AKT3: variants seen among roughly 807,000 people sequenced by gnomAD.
AKT3 encodes AKT serine/threonine kinase 3, also known as RAC-gamma serine/threonine-protein kinase.
A neutral mutation model predicts 65.3 loss-of-function variants in AKT3; 15 were observed. The observed-to-expected ratio is 0.23, with a 90% confidence interval of 0.15 to 0.35. AKT3 has a LOEUF of 0.35. AKT3 is among the 10% of genes least tolerant of loss of function. The pLI is 1.00. For missense variants in AKT3, 243 were observed against 576.5 expected (o/e 0.42, Z 5.92); for synonymous variants, 206 against 183.8 (o/e 1.12, Z -0.98).
intron 2 of AKT3, among the ~76,000 whole-genome samples, chr1:243,763,044 C>T (rs558863180): frequency 9.2e-5 from 14 of 152,044 alleles, no homozygotes; most frequent in Admixed American, 4.6e-4. Flanking sequence ...CAAAATTGTA[C>T]GGCTTATTAC....
chr1:243,702,950 A>T (rs775622318), intron 2 of AKT3: 1 of 152,232 alleles, frequency 6.6e-6, no homozygotes, highest in Non-Finnish European at 1.5e-5. Context: ...TTTAAACCAG[A>T]AAAAGGCAGT....
At chr1:243,662,747 CA>C (rs1682466019) in intron 4 of AKT3, among the ~76,000 whole-genome samples, 1 of 151,584 alleles carries the variant, frequency 6.6e-6, no homozygotes. Context: ...AAAAAAAAAT[CA>C]AGTCATATAG....
chr1:243,505,475 G>A (rs1249867537), intron 13 of AKT3, 141 bp from the exon 14 acceptor site: 7 of 642,284 alleles, frequency 1.1e-5, no homozygotes, highest in South Asian at 1.0e-4. Context: ...TCAATAAGCT[G>A]TAGAGTAATT....
chr1:243,638,456 C>T (rs1327102931), intron 5 of AKT3, among the ~76,000 whole-genome samples: 1 of 152,148 alleles, frequency 6.6e-6, no homozygotes, highest in Non-Finnish European at 1.5e-5. Context: ...CCTCTATGTA[C>T]TCTTTTCCTG....
At chr1:243,697,477 A>G (rs1267287929) in intron 2 of AKT3, among the ~76,000 whole-genome samples, 1 of 152,100 alleles carries the variant, frequency 6.6e-6, no homozygotes, top group African/African-American at 2.4e-5. Flanking sequence ...GTTAGTTTCT[A>G]AAAGGTTAGT....
chr1:243,552,617 T>A (rs1053866172), intron 11 of AKT3, 112 bp downstream of exon 11: 7 of 957,308 alleles, frequency 7.3e-6, no homozygotes, highest in South Asian at 4.7e-5. Context: ...AGTGGGAAGA[T>A]GTCTACACCA....
At chr1:243,809,645 A>C (rs1463151245) in intron 2 of AKT3, among the ~76,000 whole-genome samples, 1 of 152,194 alleles carries the variant, frequency 6.6e-6, no homozygotes. Flanking sequence ...GTTAACAAGG[A>C]TATCCAGGAA....
intron 2 of AKT3, among the ~76,000 whole-genome samples, chr1:243,750,035 T>C (rs1171815674): frequency 6.6e-6 from 1 of 152,200 alleles, no homozygotes; most frequent in Non-Finnish European, 1.5e-5. Flanking sequence ...CTCCTTCTCA[T>C]ATAGGCTAAA....
chr1:243,792,560 A>G (rs1339133125), intron 2 of AKT3, among the ~76,000 whole-genome samples: 2 of 152,180 alleles, frequency 1.3e-5, no homozygotes, highest in Non-Finnish European at 2.9e-5. Flanking sequence ...TTAGCCTTAC[A>G]ATCACTAAAC....
chr1:243,666,229 C>T (rs1208578389), intron 3 of AKT3, among the ~76,000 whole-genome samples: 1 of 152,112 alleles, frequency 6.6e-6, no homozygotes, highest in Non-Finnish European at 1.5e-5. Flanking sequence ...ATCTCGAACT[C>T]CTGACCTCAA....
rs77540150 is a variant in AKT3 at position 243,757,963 on chromosome 1, A to T, written c.47-62247T>A. On this transcript the variant is annotated intron_variant, in intron 2 of 13. Coordinates refer to ENST00000673466, the MANE Select transcript of AKT3 (RefSeq NM_005465.7). ...TTTTCAGTAGAGACGGAGTTTCGCC[A>T]TGTTGGCCAGACTGTTTTCTAACTC... Among the ~76,000 whole-genome samples the T allele has an allele frequency of 8.9e-4, 136 of 152,204 alleles. 2 individuals carry two copies. In the East Asian group the frequency reaches 0.014, roughly 15 times the overall value.
intron 10 of AKT3, among the ~76,000 whole-genome samples, chr1:243,556,930 A>G (rs1673448071): frequency 1.3e-5 from 2 of 152,278 alleles, no homozygotes; most frequent in East Asian, 1.9e-4. Context: ...TCATAAATAT[A>G]TATTTTATAA....
intron 2 of AKT3, among the ~76,000 whole-genome samples, chr1:243,729,465 C>T (rs1168413403): frequency 6.6e-6 from 1 of 152,050 alleles, no homozygotes; most frequent in African/African-American, 2.4e-5. Flanking sequence ...TAAATGGGTA[C>T]AGCCTTTCCA....
intron 2 of AKT3, among the ~76,000 whole-genome samples, chr1:243,782,274 G>A (rs1198896309): frequency 1.3e-5 from 2 of 152,030 alleles, no homozygotes; most frequent in Non-Finnish European, 2.9e-5. Flanking sequence ...TCTTAAGTCT[G>A]CTTGGGCAAC....
chr1:243,589,526 G>C (rs1462948430), intron 8 of AKT3, among the ~76,000 whole-genome samples: 1 of 152,064 alleles, frequency 6.6e-6, no homozygotes, highest in Non-Finnish European at 1.5e-5. Flanking sequence ...TAAAAAAGAT[G>C]AGATAGCAAG....
chr1:243,621,828 C>T (rs1678773383), intron 6 of AKT3, among the ~76,000 whole-genome samples: 2 of 152,102 alleles, frequency 1.3e-5, no homozygotes, highest in African/African-American at 4.8e-5. Flanking sequence ...CCCACTCATA[C>T]TCTACATTCA....
At chr1:243,745,196 G>A (rs530155906) in intron 2 of AKT3, among the ~76,000 whole-genome samples, 9 of 151,976 alleles carry the variant, frequency 5.9e-5, no homozygotes, top group South Asian at 2.1e-4. Flanking sequence ...AAATTAGCCC[G>A]GCGTGGTGGT....
At chr1:243,621,025 C>G (rs1239293377) in intron 6 of AKT3, among the ~76,000 whole-genome samples, 1 of 152,190 alleles carries the variant, frequency 6.6e-6, no homozygotes, top group African/African-American at 2.4e-5. Flanking sequence ...GCTGAATCTT[C>G]TGAGGCCTCT....
intron 2 of AKT3, among the ~76,000 whole-genome samples, chr1:243,805,864 A>T (rs765970880): frequency 6.6e-6 from 1 of 152,302 alleles, no homozygotes; most frequent in Non-Finnish European, 1.5e-5. Flanking sequence ...CTGAAAAATT[A>T]TATCTATCAT....
Sources: gnomAD v4.1 joint callset for allele counts (sites outside exome capture counted in the v4.1 genomes callset) on GRCh38, gnomAD v4.1.1 for gene constraint, MANE v1.5 for transcripts, NCBI Gene and HGNC (gene_info 2026-07-23, HGNC 2026-07-21) for gene names.